The following SUGP2 variants were observed in gnomAD, a reference collection of about 807,000 sequenced individuals.
The protein encoded by SUGP2 is SURP and G-patch domain-containing protein 2.
In SUGP2, 24 loss-of-function variants were observed where a neutral mutation model predicts 90.5. The observed-to-expected ratio is 0.27, with a 90% CI of 0.19 to 0.37. The LOEUF is 0.37. Ranked by LOEUF, SUGP2 falls within the 10% of genes least tolerant of loss-of-function variation. SUGP2 has a pLI of 1.00. For synonymous variants in SUGP2, 473 were observed against 513.4 expected (o/e 0.92, Z 1.06); for missense variants, 1,233 against 1,363.3 (o/e 0.90, Z 1.51).
chr19:19,009,245 G>A (rs772811180), intron 5 of SUGP2, among the ~76,000 whole-genome samples: 36 of 152,098 alleles, frequency 2.4e-4, no homozygotes, highest in Admixed American at 3.9e-4. Flanking sequence ...AGTTTGGAAC[G>A]GCTCACGACA....
At chr19:19,012,932 C>T (rs868550484) in intron 4 of SUGP2, among the ~76,000 whole-genome samples, 4 of 151,964 alleles carry the variant, frequency 2.6e-5, no homozygotes, top group East Asian at 1.9e-4. Flanking sequence ...GGCGCAATCT[C>T]GGATCACTGC....
intron 2 of SUGP2, among the ~76,000 whole-genome samples, chr19:19,026,903 G>A (rs972058387): frequency 4.6e-5 from 7 of 152,166 alleles, no homozygotes; most frequent in Non-Finnish European, 1.0e-4. Flanking sequence ...AGGCAGGAGG[G>A]AAGGCAGAAG....
At chr19:18,999,297 G>A (rs557130466) in intron 8 of SUGP2, among the ~76,000 whole-genome samples, 2 of 152,208 alleles carry the variant, frequency 1.3e-5, no homozygotes, top group South Asian at 4.1e-4. Context: ...GAGGACAGGT[G>A]CAGAGCCCCA....
rs200764765 is a variant in SUGP2 at position 19,031,098 on chromosome 19, A to G, written c.-11-16T>C. 1,241 of 1,605,012 alleles carry G rather than the reference A, an allele frequency of 7.7e-4. 12 individuals are homozygous for G. The South Asian group carries it at 1.0e-2, about 13-fold the overall frequency. On this transcript the variant is annotated splice_polypyrimidine_tract_variant and intron_variant, in intron 1 of 10. Transcript: ENST00000452918. ...TTATTTTGCCCTATGGTGAGAGAGAAAAAAATACACTAAGAGCAACAACTT... is the reference window on the plus strand; with the variant it reads ...TTATTTTGCCCTATGGTGAGAGAGAGAAAAATACACTAAGAGCAACAACTT...
intron 4 of SUGP2, among the ~76,000 whole-genome samples, chr19:19,018,414 G>C (rs28628081): frequency 6.7e-6 from 1 of 149,702 alleles, no homozygotes; most frequent in African/African-American, 2.5e-5. Context: ...TCGGCCGGGC[G>C]CGGTGGCTCA....
Position 19,010,255 on chromosome 19 carries a change from T to G in SUGP2, c.1938A>C (p.Gly646=). The G allele has an allele frequency of 6.2e-7, 1 of 1,614,094 alleles. No individual in the cohort carries two copies. Among genetic ancestry groups the G allele is most frequent in the Non-Finnish European group, 8.5e-7 (1 of 1,180,032 alleles). Residue 646 remains glycine, a synonymous_variant, in exon 5 of 11, where the codon GGA becomes GGC. Coordinates refer to ENST00000452918, the MANE Select transcript of SUGP2 (RefSeq NM_001017392.5). ...EMQRMSENLR[G]ADQKPTSADC... ...CTGCTGAGGTCGGCTTCTGGTCGGCTCCTCGCAAGTTCTCGCTCATCCGCT... is the reference window on the plus strand; with the variant it reads ...CTGCTGAGGTCGGCTTCTGGTCGGCGCCTCGCAAGTTCTCGCTCATCCGCT...
At chr19:19,027,173 G>T (rs776720693) in intron 2 of SUGP2, among the ~76,000 whole-genome samples, 2 of 152,190 alleles carry the variant, frequency 1.3e-5, no homozygotes, top group Non-Finnish European at 2.9e-5. Context: ...ATCACACATG[G>T]AGAAACTGTA....
At chr19:19,009,826 AGAG>A in intron 5 of SUGP2, 26 bp downstream of exon 5, 1 of 1,567,890 alleles carries the variant, frequency 6.4e-7, no homozygotes, top group Non-Finnish European at 8.6e-7. Flanking sequence ...ACTGGGGCCC[AGAG>A]GAGGGGGACA....
rs57133366 is a variant in SUGP2 at position 19,005,891 on chromosome 19, A to C, written c.2451-1245T>G. Among the ~76,000 whole-genome samples, 337 of 14,664 alleles carry C rather than the reference A, an allele frequency of 0.023. 1 individual carries two copies. The East Asian group carries it at 0.25, about 11-fold the overall frequency. The allele number at this position is 14,664 out of a possible 152,430, so 9.6% of individuals were successfully genotyped here. On this transcript the variant is annotated intron_variant, in intron 6 of 10. Transcript: ENST00000452918. ...CACACACACACACACACACACACAC[A>C]CCACACACACACACCACACACACAT...
At chr19:18,995,344 C>T (rs2057533264) in intron 8 of SUGP2, 64 bp from the exon 9 acceptor site, 2 of 1,493,820 alleles carry the variant, frequency 1.3e-6, no homozygotes, top group East Asian at 4.7e-5. Flanking sequence ...AGGGTCTGTC[C>T]TAGGCTATGC....
chr19:19,018,246 C>T (rs1024068353), intron 4 of SUGP2, among the ~76,000 whole-genome samples: 1 of 151,750 alleles, frequency 6.6e-6, no homozygotes, highest in Non-Finnish European at 1.5e-5. Context: ...GCACGAGAAT[C>T]GCTTGAACTC....
Position 19,033,490 on chromosome 19 carries a change from C to T in SUGP2, c.-65G>A, listed in dbSNP as rs1305936953. ...CCGCCGCCGCCTCAGGCTCCTCACC[C>T]GCCGCCGCCGCCGCGCGAGGCGGGG... On this transcript the variant is annotated 5_prime_UTR_variant, in exon 1 of 11. Coordinates refer to ENST00000452918, the MANE Select transcript of SUGP2 (RefSeq NM_001017392.5). 1.7e-6 allele frequency: 2 copies of T among 1,208,136 alleles called. No homozygotes were observed. Among genetic ancestry groups the T allele is most frequent in the Non-Finnish European group, 2.1e-6 (2 of 943,064 alleles). The allele number at this position is 1,208,136 out of a possible 1,614,324, so 74.8% of individuals were successfully genotyped here.
chr19:19,018,373 T>C (rs1475402487), intron 4 of SUGP2, among the ~76,000 whole-genome samples: 1 of 150,454 alleles, frequency 6.6e-6, no homozygotes, highest in African/African-American at 2.4e-5. Context: ...GTACTATATT[T>C]AGGACGCAAA....
chr19:19,031,102 A>T lies in SUGP2; in HGVS notation c.-11-20T>A. 2 of 1,604,494 alleles carry T rather than the reference A, an allele frequency of 1.2e-6. No individual in the cohort carries two copies. The highest frequency in any genetic ancestry group is 1.7e-6 in the Non-Finnish European group (2 of 1,176,978). On this transcript the variant is annotated intron_variant, in intron 1 of 10. Transcript: ENST00000452918. ...TTTGCCCTATGGTGAGAGAGAAAAA[A>T]ATACACTAAGAGCAACAACTTGGAG...
intron 3 of SUGP2, among the ~76,000 whole-genome samples, chr19:19,023,877 G>C (rs1231331731): frequency 6.6e-6 from 1 of 152,024 alleles, no homozygotes; most frequent in Non-Finnish European, 1.5e-5. Flanking sequence ...CTGGGTGACA[G>C]AGCACGACCC....
rs1342164884 is a variant in SUGP2, at chr19:19,025,454, G to T, written c.894C>A (p.Ile298=). Residue 298 remains isoleucine (I), a synonymous_variant, in exon 3 of 11, where the codon ATC becomes ATA. Coordinates refer to ENST00000452918, the MANE Select transcript of SUGP2 (RefSeq NM_001017392.5). ...TEDIQFPIQK[I]PLGLDLKNLR... ...GATTCTTCAGATCCAGCCCCAGAGG[G>T]ATCTTCTGAATGGGGAACTGGATAT... 1 of 1,614,188 alleles carries T rather than the reference G, an allele frequency of 6.2e-7. No homozygotes were observed. The highest frequency in any genetic ancestry group is 8.5e-7 in the Non-Finnish European group (1 of 1,180,046).
At chr19:19,026,496 T>C (rs759623356) in intron 2 of SUGP2, among the ~76,000 whole-genome samples, 9 of 152,184 alleles carry the variant, frequency 5.9e-5, no homozygotes, top group Non-Finnish European at 1.2e-4. Flanking sequence ...GGCTGGGCAG[T>C]AGCAGCCTGA....
In SUGP2 at chr19:19,025,951, A is replaced by T; in HGVS notation, c.397T>A (p.Ser133Thr). ...IGHRKLGHFR[S>T]QDWKFALRGS... ...CGGAGCGCAAATTTCCAGTCCTGAG[A>T]ACGGAAATGCCCCAATTTCCGGTGG... is the stretch of plus-strand genomic sequence containing the variant. The change falls in exon 3 of 11, where the codon TCT becomes ACT. Residue 133 changes from serine to threonine, a missense_variant. This residue lies in a region of SUGP2 where 418 missense variants were observed against 399.9 expected (regional missense o/e 1.05). Transcript: ENST00000452918. 1 of 1,614,212 alleles carries T rather than the reference A, an allele frequency of 6.2e-7. No homozygotes were observed. Among genetic ancestry groups the T allele is most frequent in the Non-Finnish European group, 8.5e-7 (1 of 1,180,040 alleles).
At position 19,006,308 on chromosome 19, in the gene SUGP2, A is replaced by G. The variant is rs566437367; in HGVS notation, c.2451-1662T>C. ...ATGAATTAACTCAATAAGCTTGAGC[A>G]CATTAGAATTAAATTTTTTCTAAAG... is the stretch of plus-strand genomic sequence containing the variant. On this transcript the variant is annotated intron_variant, in intron 6 of 10. Coordinates refer to ENST00000452918, the MANE Select transcript of SUGP2 (RefSeq NM_001017392.5). 5.3e-5 allele frequency among the ~76,000 whole-genome samples: 8 copies of G among 152,372 alleles called. No homozygotes were observed. In the South Asian group the frequency reaches 6.2e-4, roughly 12 times the overall value.
Sources: gnomAD v4.1 joint callset for allele counts (sites outside exome capture counted in the v4.1 genomes callset) on GRCh38, gnomAD v4.1.1 for gene constraint, gnomAD v4.1.1 regional missense constraint, MANE v1.5 for transcripts, NCBI Gene and HGNC (gene_info 2026-07-23, HGNC 2026-07-21) for gene names.